NCBP1: variants seen among roughly 807,000 people sequenced by gnomAD.
NCBP1 encodes the protein nuclear cap binding protein subunit 1.
Under a neutral mutation model 111.7 loss-of-function variants are expected in NCBP1, and 16 were observed. The observed-to-expected ratio is 0.14, with a 90% confidence interval of 0.10 to 0.22. NCBP1 has a LOEUF of 0.22. Ranked by LOEUF, NCBP1 falls within the 10% of genes least tolerant of loss-of-function variation. NCBP1 has a pLI of 1.00. For synonymous variants in NCBP1, 304 were observed against 314.3 expected (o/e 0.97, Z 0.35); for missense variants, 607 against 957.5 (o/e 0.63, Z 4.83).
intron 16 of NCBP1, 94 bp downstream of exon 16, chr9:97,661,162 AT>A: frequency 1.3e-6 from 2 of 1,486,230 alleles, no homozygotes; most frequent in Admixed American, 4.0e-5. Context: ...TTAAAGCAAT[AT>A]ATCTATATCT....
At position 97,673,230 on chromosome 9, in the gene NCBP1, G is replaced by A. The variant is rs1828249264; in HGVS notation, c.*2031G>A. The A allele has an allele frequency of 6.6e-6, 1 of 152,140 alleles. No homozygotes were observed. Among genetic ancestry groups the A allele is most frequent in the Non-Finnish European group, 1.5e-5 (1 of 68,038 alleles). The allele number at this position is 152,140 out of a possible 1,614,324, so 9.4% of individuals were successfully genotyped here. On this transcript the variant is annotated 3_prime_UTR_variant, in exon 23 of 23. Transcript: ENST00000375147. The stretch of plus-strand genomic sequence containing the variant: ...GGCTATTGGTGGTTAAGTTTTGGGG[G>A]AGTCAAAAGTTACATGCAAATTTTT...
chr9:97,655,393 A>AT (rs201594878), intron 12 of NCBP1, among the ~76,000 whole-genome samples: 3,664 of 151,818 alleles, frequency 0.024, 130 homozygotes, highest in East Asian at 0.13. Flanking sequence ...AATTTCATAA[A>AT]ATTTTTTTTT....
At position 97,673,330 on chromosome 9, in the gene NCBP1, C is replaced by G. The variant is rs1166653308; in HGVS notation, c.*2131C>G. 6.6e-6 allele frequency: 1 copy of G among 152,060 alleles called. No individual in the cohort carries two copies. Among genetic ancestry groups the G allele is most frequent in the Non-Finnish European group, 1.5e-5 (1 of 67,988 alleles). 9.4% of individuals were successfully genotyped at this position (152,060 alleles called of 1,614,324 possible). On this transcript the variant is annotated 3_prime_UTR_variant, in exon 23 of 23. Coordinates refer to ENST00000375147, the MANE Select transcript of NCBP1 (RefSeq NM_002486.5). Reference sequence around the variant, plus strand: ...CTGTAGTTTAAAATGACTCCTGTCTCAAAAAACCAAAGGATAACCTTTAAG... The same window carrying G: ...CTGTAGTTTAAAATGACTCCTGTCTGAAAAAACCAAAGGATAACCTTTAAG...
At chr9:97,669,907 C>G (rs1200539209) in intron 22 of NCBP1, 3 of 607,566 alleles carry the variant, frequency 4.9e-6, no homozygotes, top group Non-Finnish European at 8.9e-6. Flanking sequence ...CTAATTGCCA[C>G]CCCCCCAACA....
intron 10 of NCBP1, 60 bp downstream of exon 10, chr9:97,651,433 T>C (rs1459446257): frequency 7.1e-7 from 1 of 1,406,486 alleles, no homozygotes; most frequent in Non-Finnish European, 1.0e-6. Flanking sequence ...GGCTTTAAAG[T>C]ATGATCTACT....
chr9:97,640,766 A>G (rs182985986), intron 1 of NCBP1, 28 bp from the exon 2 acceptor site: 25 of 1,541,712 alleles, frequency 1.6e-5, no homozygotes, highest in Non-Finnish European at 1.9e-5. Flanking sequence ...TTATCATGTA[A>G]TGTTAATTTT....
chr9:97,648,753 G>T (rs369995340), intron 8 of NCBP1, among the ~76,000 whole-genome samples: 1 of 151,874 alleles, frequency 6.6e-6, no homozygotes, highest in South Asian at 2.1e-4. Context: ...GTCTTACTTT[G>T]TTGCCCAGGC....
Position 97,640,843 on chromosome 9 carries a change from A to G in NCBP1, c.84A>G (p.Glu28=). 1.9e-6 allele frequency: 3 copies of G among 1,610,002 alleles called. No individual in the cohort carries two copies. The highest frequency in any genetic ancestry group is 2.5e-6 in the Non-Finnish European group (3 of 1,178,042). ...AGACCTCTGATGCAAATGAAACTGA[A>G]GATCATTTGGAATCTTTAATATGTA... ...RRKTSDANET[E]DHLESLICKV... is the part of the protein sequence containing the mutation. Residue 28 remains glutamate, a synonymous_variant, in exon 2 of 23, where the codon GAA becomes GAG. Coordinates refer to ENST00000375147, the MANE Select transcript of NCBP1 (RefSeq NM_002486.5).
chr9:97,657,124 G>A (rs533276240), intron 14 of NCBP1, among the ~76,000 whole-genome samples: 43 of 152,208 alleles, frequency 2.8e-4, no homozygotes, highest in African/African-American at 7.0e-4. Flanking sequence ...CCGCCACCAC[G>A]CCTGGCTAAT....
At chr9:97,656,186 T>C in intron 14 of NCBP1, 101 bp downstream of exon 14, 1 of 956,518 alleles carries the variant, frequency 1.0e-6, no homozygotes, top group Non-Finnish European at 1.6e-6. Context: ...CAAAATCCAC[T>C]TACTCATCTT....
At chr9:97,655,245 C>G (rs980991413) in intron 12 of NCBP1, among the ~76,000 whole-genome samples, 7 of 152,164 alleles carry the variant, frequency 4.6e-5, no homozygotes, top group African/African-American at 1.7e-4. Flanking sequence ...GGGTCTTGCT[C>G]TGTCACCCAG....
At position 97,671,224 on chromosome 9, in the gene NCBP1, G is replaced by GTT; in HGVS notation, c.*32_*33dup. On this transcript the variant is annotated 3_prime_UTR_variant, in exon 23 of 23. Coordinates refer to ENST00000375147, the MANE Select transcript of NCBP1 (RefSeq NM_002486.5). Reference sequence around the variant, plus strand: ...AGGGTCATTTTTTCCTCATGTCAAGGTTTTTTTTGATATCTTAAAATAATT... The same window carrying GTT: ...AGGGTCATTTTTTCCTCATGTCAAGGTTTTTTTTTTGATATCTTAAAATAATT... 6.8e-7 allele frequency: 1 copy of GTT among 1,479,158 alleles called. No homozygotes were observed. Among genetic ancestry groups the GTT allele is most frequent in the Non-Finnish European group, 9.3e-7 (1 of 1,074,546 alleles). 91.6% of individuals were successfully genotyped at this position (1,479,158 alleles called of 1,614,324 possible).
At position 97,645,159 on chromosome 9, in the gene NCBP1, G is replaced by A. The variant is rs1047126908; in HGVS notation, c.424G>A (p.Ala142Thr). ...SDLVNCHVIA[A>T]PSMVAMFENF... ...TCTTGTGAATTGTCATGTGATTGCCGCCCCATCAATGGTTGCTATGTTTGA... is the reference window on the plus strand; with the variant it reads ...TCTTGTGAATTGTCATGTGATTGCCACCCCATCAATGGTTGCTATGTTTGA... The change falls in exon 5 of 23, where the codon GCC becomes ACC. Residue 142 changes from alanine (A) to threonine (T), a missense_variant. Around this residue, in one of 9 missense-constraint regions of NCBP1, gnomAD observed 185 missense variants for 272.0 expected, o/e 0.68. Transcript: ENST00000375147. The A allele has an allele frequency of 3.7e-6, 6 of 1,613,230 alleles. No homozygotes were observed. Among genetic ancestry groups the A allele is most frequent in the Admixed American group, 1.7e-5 (1 of 59,980 alleles).
At chr9:97,641,476 G>T in intron 2 of NCBP1, 86 bp from the exon 3 acceptor site, 2 of 988,606 alleles carry the variant, frequency 2.0e-6, no homozygotes, top group Non-Finnish European at 2.7e-6. Context: ...TTTAAAATAT[G>T]TATATATTTA....
At chr9:97,671,019 G>A in intron 22 of NCBP1, 67 bp from the exon 23 acceptor site, 1 of 1,072,614 alleles carries the variant, frequency 9.3e-7, no homozygotes. Flanking sequence ...GCTGCTGAAG[G>A]AAATGTTCCA....
chr9:97,643,292 G>A lies in NCBP1; in HGVS notation c.313G>A (p.Val105Ile). Residue 105 changes from valine to isoleucine, a missense_variant, in exon 4 of 23, where the codon GTA (valine) becomes ATA (isoleucine). This residue lies in a region of NCBP1 where 185 missense variants were observed against 272.0 expected (regional missense o/e 0.68). Coordinates refer to ENST00000375147, the MANE Select transcript of NCBP1 (RefSeq NM_002486.5). ...ARNYNFGGEF[V>I]EAMIRQLKES... ...GAATTACAATTTTGGTGGAGAATTTGTAGAAGCCATGATTCGTCAACTTAA... is the reference window on the plus strand; with the variant it reads ...GAATTACAATTTTGGTGGAGAATTTATAGAAGCCATGATTCGTCAACTTAA... The A allele has an allele frequency of 3.7e-6, 6 of 1,610,088 alleles. No homozygotes were observed. The highest frequency in any genetic ancestry group is 5.1e-6 in the Non-Finnish European group (6 of 1,178,838).
intron 8 of NCBP1, among the ~76,000 whole-genome samples, chr9:97,649,441 A>G (rs1827438598): frequency 6.6e-6 from 1 of 152,262 alleles, no homozygotes; most frequent in South Asian, 2.1e-4. Flanking sequence ...GTTGAAAACT[A>G]TTGCCATAAA....
chr9:97,655,974 A>G lies in NCBP1; in HGVS notation c.1299-37A>G, dbSNP rs780515698. On this transcript the variant is annotated intron_variant, in intron 13 of 22. Transcript: ENST00000375147. The stretch of plus-strand genomic sequence containing the variant: ...GTACAAATGGGTGTAAGTGCAGATT[A>G]TATGTAAGCATTGATAAAACTACAT... 5 of 1,566,734 alleles carry G rather than the reference A, an allele frequency of 3.2e-6. No individual in the cohort carries two copies. The Admixed American group carries it at 8.4e-5, about 26-fold the overall frequency.
chr9:97,634,363 C>T (rs1034978323), intron 1 of NCBP1, among the ~76,000 whole-genome samples: 3 of 152,332 alleles, frequency 2.0e-5, no homozygotes, highest in East Asian at 3.9e-4. Flanking sequence ...GCAGTCTGAA[C>T]TCTGTTCCGG....
Sources: allele counts gnomAD v4.1 joint callset (sites outside exome capture counted in the v4.1 genomes callset), GRCh38; gene constraint gnomAD v4.1.1; regional missense constraint gnomAD v4.1.1; transcripts MANE v1.5; gene names NCBI Gene and HGNC (gene_info 2026-07-23, HGNC 2026-07-21).